Variants in ACTR3C observed in about 807,000 individuals in gnomAD.
The protein encoded by ACTR3C is actin-related protein 3C.
In ACTR3C, 18 loss-of-function variants were observed where a neutral mutation model predicts 26.3. The observed-to-expected ratio is 0.68, with a 90% CI of 0.47 to 1.01. The LOEUF is 1.01. Among genes scored for constraint, ACTR3C ranks in the 50% least tolerant of loss-of-function variants. The probability of loss-of-function intolerance (pLI) is 0.00; values close to 1 mark genes in which losing one functional copy is unlikely to be tolerated. For synonymous variants in ACTR3C, 55 were observed against 94.5 expected (o/e 0.58, Z 2.42); for missense variants, 184 against 250.7 (o/e 0.73, Z 1.80).
At chr7:150,037,070 G>A in the ACTR3C span, among the ~76,000 whole-genome samples, 1 of 112,058 alleles carries the variant, frequency 8.9e-6, no homozygotes, top group East Asian at 2.4e-4. Flanking sequence ...CTCGCGGGGG[G>A]TGCCTCCCCC....
chr7:150,201,396 G>T, the ACTR3C span, among the ~76,000 whole-genome samples: 2 of 152,126 alleles, frequency 1.3e-5, no homozygotes, highest in Non-Finnish European at 2.9e-5. Flanking sequence ...AGCTATTCTT[G>T]TCCAGAATGA....
the ACTR3C span, among the ~76,000 whole-genome samples, chr7:150,161,229 T>TATA: frequency 1.1e-4 from 15 of 132,964 alleles, no homozygotes; most frequent in South Asian, 2.4e-4. Context: ...TATATATTTA[T>TATA]TATACTTTAA....
intron 1 of ACTR3C, among the ~76,000 whole-genome samples, chr7:150,308,532 A>G (rs1796002426): frequency 1.3e-5 from 2 of 151,810 alleles, no homozygotes; most frequent in African/African-American, 4.8e-5. Flanking sequence ...TCTGCTCCCA[A>G]TGCAGCTCAT....
At chr7:150,298,157 A>G (rs776272175) in intron 1 of ACTR3C, among the ~76,000 whole-genome samples, 5 of 150,912 alleles carry the variant, frequency 3.3e-5, no homozygotes, top group Non-Finnish European at 5.9e-5. Flanking sequence ...GGCAATACCA[A>G]CCTGGTCACT....
the ACTR3C span, among the ~76,000 whole-genome samples, chr7:149,990,221 C>T: frequency 6.6e-6 from 1 of 151,916 alleles, no homozygotes; most frequent in Non-Finnish European, 1.5e-5. Flanking sequence ...AGGAGAGACA[C>T]CTTCCCAGAC....
the ACTR3C span, among the ~76,000 whole-genome samples, chr7:150,022,313 A>G: frequency 6.7e-6 from 1 of 149,798 alleles, no homozygotes; most frequent in Non-Finnish European, 1.5e-5. Flanking sequence ...TTTTGATGGG[A>G]TTATTTGTTT....
At chr7:149,930,150 C>A in the ACTR3C span, among the ~76,000 whole-genome samples, 1 of 152,162 alleles carries the variant, frequency 6.6e-6, no homozygotes, top group African/African-American at 2.4e-5. Context: ...CCACCAGATG[C>A]AATGTATGCC....
the ACTR3C span, among the ~76,000 whole-genome samples, chr7:150,025,586 G>A: frequency 6.6e-6 from 1 of 151,926 alleles, no homozygotes; most frequent in Non-Finnish European, 1.5e-5. Flanking sequence ...TAACTTATGT[G>A]AAGGCTTAGT....
chr7:150,036,841 C>T, the ACTR3C span, among the ~76,000 whole-genome samples: 1 of 128,614 alleles, frequency 7.8e-6, no homozygotes, highest in East Asian at 2.0e-4. Context: ...ATCTTAGGAG[C>T]AACGATGGGG....
chr7:149,984,896 T>C, the ACTR3C span, among the ~76,000 whole-genome samples: 1 of 152,200 alleles, frequency 6.6e-6, no homozygotes, highest in Non-Finnish European at 1.5e-5. Context: ...CATTTTGGCC[T>C]TAATAAAATT....
At chr7:150,077,020 C>G in the ACTR3C span, among the ~76,000 whole-genome samples, 1 of 151,938 alleles carries the variant, frequency 6.6e-6, no homozygotes. Flanking sequence ...AAAAAATTAG[C>G]CGAGCATGGT....
chr7:149,952,282 A>C, the ACTR3C span, among the ~76,000 whole-genome samples: 32 of 142,962 alleles, frequency 2.2e-4, no homozygotes, highest in Admixed American at 6.2e-4. Context: ...AAATCTTTCT[A>C]TTCTGAACAT....
chr7:150,008,886 C>T, the ACTR3C span, among the ~76,000 whole-genome samples: 1 of 151,680 alleles, frequency 6.6e-6, no homozygotes, highest in South Asian at 2.1e-4. Context: ...GGGGCTCCCG[C>T]AAGTCATGGT....
chr7:150,319,855 G>C (rs892127448), intron 1 of ACTR3C, among the ~76,000 whole-genome samples: 1 of 152,120 alleles, frequency 6.6e-6, no homozygotes, highest in Admixed American at 6.5e-5. Context: ...CTAGGGGCAG[G>C]AGCCAGTCCT....
the ACTR3C span, among the ~76,000 whole-genome samples, chr7:149,972,101 G>A: frequency 4.6e-5 from 7 of 152,204 alleles, no homozygotes; most frequent in Non-Finnish European, 8.8e-5. Context: ...CCTCAGAGCT[G>A]ACGTTGCCAC....
At chr7:150,092,411 G>C in the ACTR3C span, among the ~76,000 whole-genome samples, 3,351 of 151,610 alleles carry the variant, frequency 0.022, 206 homozygotes, top group African/African-American at 0.079. Flanking sequence ...CCAGAGCTGA[G>C]AGCTGCCCAC....
At chr7:150,160,954 G>A in the ACTR3C span, among the ~76,000 whole-genome samples, 1 of 149,006 alleles carries the variant, frequency 6.7e-6, no homozygotes, top group African/African-American at 2.5e-5. Flanking sequence ...TGGTGGAGGA[G>A]CTGGGAACAG....
At chr7:150,000,171 T>C in the ACTR3C span, among the ~76,000 whole-genome samples, 1 of 152,184 alleles carries the variant, frequency 6.6e-6, no homozygotes, top group Non-Finnish European at 1.5e-5. Flanking sequence ...TCTTACATAA[T>C]AAAAAATCTT....
chr7:150,169,288 C>G, the ACTR3C span, among the ~76,000 whole-genome samples: 1 of 148,038 alleles, frequency 6.8e-6, no homozygotes, highest in African/African-American at 2.6e-5. Context: ...GAGGCTGAGG[C>G]AGGAGAATGG....
Sources: gnomAD v4.1 joint callset for allele counts (sites outside exome capture counted in the v4.1 genomes callset) on GRCh38, gnomAD v4.1.1 for gene constraint, MANE v1.5 for transcripts, NCBI Gene and HGNC (gene_info 2026-07-23, HGNC 2026-07-21) for gene names.